MMP16: variants seen among roughly 807,000 people sequenced by gnomAD.
The protein encoded by MMP16 is matrix metalloproteinase-16.
A neutral mutation model predicts 67.8 loss-of-function variants in MMP16; 12 were observed. The observed-to-expected ratio is 0.18, with a 90% CI of 0.11 to 0.29. The LOEUF (loss-of-function observed/expected upper bound fraction) is 0.29. Ranked by LOEUF, MMP16 falls within the 10% of genes least tolerant of loss-of-function variation. The pLI is 1.00. For synonymous variants in MMP16, 249 were observed against 255.9 expected (o/e 0.97, Z 0.26); for missense variants, 475 against 765.7 (o/e 0.62, Z 4.48).
chr8:88,147,618 G>C (rs1586174618), intron 4 of MMP16, among the ~76,000 whole-genome samples: 1 of 151,520 alleles, frequency 6.6e-6, no homozygotes, highest in South Asian at 2.1e-4. Context: ...ATTCTAGGTT[G>C]AGTTATTTTC....
At chr8:88,227,328 A>G (rs1809786902) in intron 1 of MMP16, among the ~76,000 whole-genome samples, 2 of 152,122 alleles carry the variant, frequency 1.3e-5, no homozygotes, top group South Asian at 2.1e-4. Flanking sequence ...TGCTCATTAC[A>G]TATTTCACAA....
At chr8:88,098,218 T>G (rs935210016) in intron 6 of MMP16, among the ~76,000 whole-genome samples, 6 of 152,014 alleles carry the variant, frequency 3.9e-5, no homozygotes, top group African/African-American at 1.2e-4. Context: ...TCCATTGTCC[T>G]CAGGATGTAT....
At chr8:88,302,292 T>C (rs1563589363) in intron 1 of MMP16, among the ~76,000 whole-genome samples, 1 of 152,096 alleles carries the variant, frequency 6.6e-6, no homozygotes, top group East Asian at 1.9e-4. Flanking sequence ...GAGGAGAAAA[T>C]ATTTCTCACC....
At chr8:88,304,378 A>T (rs184736363) in intron 1 of MMP16, among the ~76,000 whole-genome samples, 1 of 152,338 alleles carries the variant, frequency 6.6e-6, no homozygotes, top group East Asian at 1.9e-4. Context: ...GTACTTCAGG[A>T]TATCATCCAG....
chr8:88,097,964 C>T (rs1382210296), intron 6 of MMP16, among the ~76,000 whole-genome samples: 1 of 151,814 alleles, frequency 6.6e-6, no homozygotes, highest in Non-Finnish European at 1.5e-5. Context: ...AGACTTTTGA[C>T]ACCAACGGCG....
rs1404891577 is a variant in MMP16, at chr8:88,167,818, A to G, written c.560T>C (p.Ile187Thr). Reference sequence around the variant, plus strand: ...GTCCCCATGGAAACCAGATGCAAAAATAATGGTTATATCCACATCACGTTT... The same window carrying G: ...GTCCCCATGGAAACCAGATGCAAAAGTAATGGTTATATCCACATCACGTTT... Reference protein sequence around the residue: ...NGKRDVDITIIFASGFHGDSS... With the variant: ...NGKRDVDITITFASGFHGDSS... The change falls in exon 4 of 10, where the codon ATT becomes ACT. Residue 187 changes from isoleucine (I) to threonine (T), a missense_variant. By Grantham distance (89) the Ile-to-Thr change is moderately conservative. This residue lies in a region of MMP16 where 170 missense variants were observed against 239.6 expected (regional missense o/e 0.71). Coordinates refer to ENST00000286614, the MANE Select transcript of MMP16 (RefSeq NM_005941.5). The G allele has an allele frequency of 5.0e-6, 8 of 1,613,892 alleles. No homozygotes were observed. Among genetic ancestry groups the G allele is most frequent in the Non-Finnish European group, 6.8e-6 (8 of 1,179,990 alleles).
chr8:88,305,965 G>A (rs973252237), intron 1 of MMP16, among the ~76,000 whole-genome samples: 12 of 148,218 alleles, frequency 8.1e-5, no homozygotes, highest in East Asian at 3.9e-4. Context: ...ACAGAGACAC[G>A]AAAAGCCCCT....
intron 4 of MMP16, among the ~76,000 whole-genome samples, chr8:88,127,958 T>A (rs924392816): frequency 4.6e-5 from 7 of 151,796 alleles, no homozygotes; most frequent in East Asian, 1.9e-4. Flanking sequence ...CTGTTATACA[T>A]AAGGGCTGGC....
At chr8:88,232,010 C>T (rs1809867090) in intron 1 of MMP16, among the ~76,000 whole-genome samples, 1 of 151,998 alleles carries the variant, frequency 6.6e-6, no homozygotes, top group Non-Finnish European at 1.5e-5. Flanking sequence ...ATTCTGAGTT[C>T]GTTTTCCTGC....
intron 7 of MMP16, among the ~76,000 whole-genome samples, chr8:88,059,196 G>A (rs776739375): frequency 1.3e-5 from 2 of 152,054 alleles, no homozygotes; most frequent in Non-Finnish European, 2.9e-5. Context: ...GATGTGTTGA[G>A]ATTATCCTGG....
intron 3 of MMP16, among the ~76,000 whole-genome samples, chr8:88,172,331 TA>T (rs1301563765): frequency 6.6e-6 from 1 of 152,044 alleles, no homozygotes; most frequent in Non-Finnish European, 1.5e-5. Flanking sequence ...TTTTATGTAG[TA>T]AAAAAATAAA....
intron 6 of MMP16, among the ~76,000 whole-genome samples, chr8:88,108,838 T>A (rs1809285981): frequency 6.6e-6 from 1 of 151,420 alleles, no homozygotes; most frequent in Admixed American, 6.6e-5. Flanking sequence ...TCAAGCTTGG[T>A]AAATCTCTCC....
At chr8:88,267,796 G>A (rs1810497742) in intron 1 of MMP16, among the ~76,000 whole-genome samples, 2 of 152,140 alleles carry the variant, frequency 1.3e-5, no homozygotes, top group Admixed American at 6.5e-5. Context: ...AAATAAGTAA[G>A]AAGTTGAGAA....
intron 1 of MMP16, among the ~76,000 whole-genome samples, chr8:88,299,814 T>C (rs1319956979): frequency 6.6e-6 from 1 of 152,192 alleles, no homozygotes; most frequent in Non-Finnish European, 1.5e-5. Context: ...TTATAAATGT[T>C]AGCTTATGTT....
At chr8:88,056,369 A>G (rs1808332820) in intron 7 of MMP16, 91 bp from the exon 8 acceptor site, 4 of 423,000 alleles carry the variant, frequency 9.5e-6, no homozygotes, top group Non-Finnish European at 1.4e-5. Flanking sequence ...TATTAAATAC[A>G]TATTATACAT....
At chr8:88,161,406 T>C (rs543757507) in intron 4 of MMP16, among the ~76,000 whole-genome samples, 3 of 152,132 alleles carry the variant, frequency 2.0e-5, no homozygotes, top group East Asian at 1.9e-4. Flanking sequence ...CCCTTTATCA[T>C]TTTTTTATTG....
At chr8:88,043,950 T>G (rs1317877734) in intron 9 of MMP16, among the ~76,000 whole-genome samples, 1 of 152,238 alleles carries the variant, frequency 6.6e-6, no homozygotes, top group Non-Finnish European at 1.5e-5. Flanking sequence ...GTACTTCTTA[T>G]ATCTATAAAC....
At chr8:88,163,815 C>A (rs972790763) in intron 4 of MMP16, among the ~76,000 whole-genome samples, 1 of 152,014 alleles carries the variant, frequency 6.6e-6, no homozygotes, top group African/African-American at 2.4e-5. Context: ...TATCATGATA[C>A]ATATTTTCTA....
At chr8:88,136,901 T>C (rs1482049113) in intron 4 of MMP16, among the ~76,000 whole-genome samples, 2 of 151,926 alleles carry the variant, frequency 1.3e-5, no homozygotes, top group African/African-American at 4.8e-5. Flanking sequence ...AAAATACTTG[T>C]TCAACAGACA....
Sources: allele counts gnomAD v4.1 joint callset (sites outside exome capture counted in the v4.1 genomes callset), GRCh38; gene constraint gnomAD v4.1.1; regional missense constraint gnomAD v4.1.1; transcripts MANE v1.5; gene names NCBI Gene and HGNC (gene_info 2026-07-23, HGNC 2026-07-21).